PTPRG: variants seen among roughly 807,000 people sequenced by gnomAD.
PTPRG encodes the protein receptor-type tyrosine-protein phosphatase gamma.
Under a neutral mutation model 165.3 loss-of-function variants are expected in PTPRG, and 102 were observed. The ratio of observed to expected loss-of-function variants is 0.62; its 90% CI spans 0.53 to 0.73. The LOEUF (loss-of-function observed/expected upper bound fraction) is 0.73, where lower values mean the gene tolerates loss of function less well. PTPRG is among the 30% of genes least tolerant of loss of function. PTPRG has a pLI of 0.00. For missense variants in PTPRG, 1,866 were observed against 1,861.4 expected (o/e 1.00, Z -0.05); for synonymous variants, 675 against 669.5 (o/e 1.01, Z -0.13).
rs1701218640 is a variant in PTPRG, at chr3:62,243,742, TAAA to T, written c.2376-63_2376-61del. The T allele has an allele frequency of 2.9e-6, 3 of 1,035,554 alleles. No homozygotes were observed. In the East Asian group the frequency reaches 7.5e-5, roughly 26 times the overall value. The allele number at this position is 1,035,554 out of a possible 1,614,324, so 64.1% of individuals were successfully genotyped here. A position where few individuals can be genotyped will look rare whatever the true frequency, so the allele number is the denominator to read the frequency against. On this transcript the variant is annotated intron_variant, in intron 14 of 29. Transcript: ENST00000474889. ...CTGGGAAGATCTATAAAATAAGAAT[TAAA>T]AGAAGATGAACTCAAATAAAGTATA... is the stretch of plus-strand genomic sequence containing the variant.
At chr3:62,177,859 A>G (rs1705483847) in intron 8 of PTPRG, among the ~76,000 whole-genome samples, 3 of 152,164 alleles carry the variant, frequency 2.0e-5, no homozygotes, top group Admixed American at 6.5e-5. Context: ...TATAGTACTT[A>G]CCAAAGTTGA....
At chr3:62,168,237 A>C in intron 8 of PTPRG, 74 bp downstream of exon 8, 2 of 1,397,718 alleles carry the variant, frequency 1.4e-6, no homozygotes, top group Non-Finnish European at 1.9e-6. Flanking sequence ...AAGGAATTCA[A>C]AGCCAGCCAG....
chr3:61,620,538 G>A (rs1435645380), intron 1 of PTPRG, among the ~76,000 whole-genome samples: 1 of 151,874 alleles, frequency 6.6e-6, no homozygotes, highest in East Asian at 1.9e-4. Context: ...AAACTTGAGG[G>A]TTTTTTTTGT....
intron 2 of PTPRG, among the ~76,000 whole-genome samples, chr3:61,752,096 A>G (rs555323374): frequency 6.6e-6 from 1 of 152,240 alleles, no homozygotes; most frequent in Admixed American, 6.5e-5. Flanking sequence ...TTTTGCTGCA[A>G]TTAATGTTGG....
intron 2 of PTPRG, among the ~76,000 whole-genome samples, chr3:61,955,119 G>A (rs1172554955): frequency 6.6e-6 from 1 of 152,108 alleles, no homozygotes; most frequent in Non-Finnish European, 1.5e-5. Context: ...AAAACATGAT[G>A]GATAAGAATT....
chr3:62,185,373 C>G (rs1351466434), intron 8 of PTPRG, among the ~76,000 whole-genome samples: 1 of 152,188 alleles, frequency 6.6e-6, no homozygotes, highest in African/African-American at 2.4e-5. Flanking sequence ...AAGGACGTAT[C>G]AAGAGGTCTA....
chr3:62,054,616 G>C (rs1700572085), intron 4 of PTPRG, among the ~76,000 whole-genome samples: 1 of 152,224 alleles, frequency 6.6e-6, no homozygotes, highest in South Asian at 2.1e-4. Context: ...GTTAGCAATA[G>C]AGGTTGAGGC....
chr3:61,967,673 A>C (rs930929294), intron 2 of PTPRG, among the ~76,000 whole-genome samples: 4 of 152,220 alleles, frequency 2.6e-5, no homozygotes, highest in Non-Finnish European at 4.4e-5. Context: ...AATTTAGTGC[A>C]TGTAACTGCC....
intron 2 of PTPRG, among the ~76,000 whole-genome samples, chr3:61,870,187 A>G (rs1447009783): frequency 1.3e-5 from 2 of 152,082 alleles, no homozygotes; most frequent in Non-Finnish European, 2.9e-5. Flanking sequence ...ACAAAAGGGT[A>G]CATAGATGCT....
chr3:62,040,241 G>C (rs534483080), intron 4 of PTPRG, among the ~76,000 whole-genome samples: 47 of 152,252 alleles, frequency 3.1e-4, no homozygotes, highest in African/African-American at 8.7e-4. Flanking sequence ...TTCACAAATT[G>C]GAGACAATTT....
chr3:61,912,792 G>C lies in PTPRG; in HGVS notation c.191-76833G>C, dbSNP rs927496464. 5.9e-5 allele frequency among the ~76,000 whole-genome samples: 9 copies of C among 152,330 alleles called. No individual in the cohort carries two copies. The South Asian group carries it at 8.3e-4, about 14-fold the overall frequency. Reference sequence around the variant, plus strand: ...TATGCAGAGCCTGGAATCATTTTAAGAGTGGTTTGATGTGGGTATTTTAGT... The same window carrying C: ...TATGCAGAGCCTGGAATCATTTTAACAGTGGTTTGATGTGGGTATTTTAGT... On this transcript the variant is annotated intron_variant, in intron 2 of 29. Coordinates refer to ENST00000474889, the MANE Select transcript of PTPRG (RefSeq NM_002841.4).
chr3:62,212,621 G>A (rs1700387832), intron 12 of PTPRG, among the ~76,000 whole-genome samples: 1 of 152,188 alleles, frequency 6.6e-6, no homozygotes, highest in Non-Finnish European at 1.5e-5. Flanking sequence ...TGAGCTTGCA[G>A]TGGGAGTTGG....
chr3:61,980,239 G>A (rs979244055), intron 2 of PTPRG, among the ~76,000 whole-genome samples: 1 of 152,134 alleles, frequency 6.6e-6, no homozygotes, highest in Non-Finnish European at 1.5e-5. Flanking sequence ...AGAATAGTGC[G>A]TGCTCACCTC....
rs1327016565 is a variant in PTPRG at position 62,229,663 on chromosome 3, G to A, written c.2289-1562G>A. 6.6e-6 allele frequency among the ~76,000 whole-genome samples: 1 copy of A among 152,200 alleles called. No individual in the cohort carries two copies. The highest frequency in any genetic ancestry group is 2.4e-5 in the African/African-American group (1 of 41,460). On this transcript the variant is annotated intron_variant, in intron 13 of 29. Coordinates refer to ENST00000474889, the MANE Select transcript of PTPRG (RefSeq NM_002841.4). This position sits in a 1 kb window ranked among gnomAD's most constrained non-coding sequence, Gnocchi z 4.6. ...CAACCATCTTTCTTTGGATTTCTCA[G>A]AATTAACTGTCTTCTCCCCCCGGGG... is the stretch of plus-strand genomic sequence containing the variant.
chr3:61,930,281 G>A (rs1161264658), intron 2 of PTPRG, among the ~76,000 whole-genome samples: 2 of 151,980 alleles, frequency 1.3e-5, no homozygotes, highest in African/African-American at 4.8e-5. Flanking sequence ...ATTATTTTTT[G>A]TATTTTGTGT....
chr3:61,700,231 G>A (rs72878426), intron 1 of PTPRG, among the ~76,000 whole-genome samples: 1 of 152,254 alleles, frequency 6.6e-6, no homozygotes, highest in African/African-American at 2.4e-5. Flanking sequence ...GAACGATGCT[G>A]TGGGATCCTC....
intron 5 of PTPRG, among the ~76,000 whole-genome samples, chr3:62,127,962 A>G (rs1031667571): frequency 6.6e-6 from 1 of 152,218 alleles, no homozygotes; most frequent in Non-Finnish European, 1.5e-5. Context: ...CTATTAATTG[A>G]AAAGAAAATG....
intron 28 of PTPRG, among the ~76,000 whole-genome samples, chr3:62,285,617 C>T (rs1429401864): frequency 6.6e-6 from 1 of 151,410 alleles, no homozygotes; most frequent in East Asian, 2.0e-4. Flanking sequence ...TAAACTGCTT[C>T]TATTTGAGGA....
At chr3:61,599,237 C>T (rs1390210178) in intron 1 of PTPRG, among the ~76,000 whole-genome samples, 4 of 152,102 alleles carry the variant, frequency 2.6e-5, no homozygotes, top group Non-Finnish European at 5.9e-5. Context: ...GCAACCTCCG[C>T]CTCCCAGGTT....
Sources: gnomAD v4.1 joint callset for allele counts (sites outside exome capture counted in the v4.1 genomes callset) on GRCh38, gnomAD v4.1.1 for gene constraint, Gnocchi (gnomAD v3.1) non-coding constraint, MANE v1.5 for transcripts, NCBI Gene and HGNC (gene_info 2026-07-23, HGNC 2026-07-21) for gene names.